SH3D19: variants seen among roughly 807,000 people sequenced by gnomAD.
SH3D19 encodes the protein SH3 domain-containing protein 19.
Under a neutral mutation model 112.1 loss-of-function variants are expected in SH3D19, and 58 were observed. That is an observed-to-expected ratio of 0.52 (90% CI 0.42 to 0.64). SH3D19 has a LOEUF of 0.64. Ranked by LOEUF, SH3D19 falls within the 30% of genes least tolerant of loss-of-function variation. The pLI is 0.00. For missense variants in SH3D19, 1,090 were observed against 1,263.4 expected, an observed-to-expected ratio of 0.86 and a Z score of 2.08; for synonymous variants, 391 against 448.5, an observed-to-expected ratio of 0.87 and a Z score of 1.62.
In SH3D19 at chr4:151,300,110, A is replaced by T. The variant is rs1728232456; in HGVS notation, c.112+25131T>A. Among the ~76,000 whole-genome samples, 3 of 152,034 alleles carry T rather than the reference A, an allele frequency of 2.0e-5. No homozygotes were observed. The South Asian group carries it at 6.2e-4, about 32-fold the overall frequency. ...CAGCTACTCGGGAGGCTGAGGCAGG[A>T]GAATTGCTTGAACCCAGGAGGCGGA... On this transcript the variant is annotated intron_variant, in intron 1 of 19. Coordinates refer to ENST00000604030, the MANE Select transcript of SH3D19 (RefSeq NM_001378122.1).
intron 8 of SH3D19, among the ~76,000 whole-genome samples, chr4:151,163,461 C>T (rs1318121911): frequency 3.3e-5 from 5 of 152,120 alleles, no homozygotes; most frequent in Non-Finnish European, 7.4e-5. Flanking sequence ...TTGTTAAAAT[C>T]CAGAATACAT....
intron 1 of SH3D19, among the ~76,000 whole-genome samples, chr4:151,312,781 G>T (rs1327012215): frequency 2.6e-5 from 4 of 151,828 alleles, no homozygotes; most frequent in South Asian, 2.1e-4. Flanking sequence ...GGCACCTGTA[G>T]TCCCAGCTAC....
At position 151,133,251 on chromosome 4, in the gene SH3D19, C is replaced by T; in HGVS notation, c.2487-15G>A. On this transcript the variant is annotated splice_polypyrimidine_tract_variant and intron_variant, in intron 15 of 19. Transcript: ENST00000604030. ...ATCTTGAGCCTCTGAATGAAGAACA[C>T]ATTTTGTGGATTAGACTAGAGAGTG... is the stretch of plus-strand genomic sequence containing the variant. 1 of 1,611,774 alleles carries T rather than the reference C, an allele frequency of 6.2e-7. No homozygotes were observed. Among genetic ancestry groups the T allele is most frequent in the Non-Finnish European group, 8.5e-7 (1 of 1,177,962 alleles).
intron 2 of SH3D19, among the ~76,000 whole-genome samples, chr4:151,198,528 G>C (rs989085091): frequency 2.7e-4 from 40 of 149,294 alleles, no homozygotes; most frequent in African/African-American, 9.1e-4. Context: ...TCTTAGCTTT[G>C]TATCACTTGA....
Position 151,174,739 on chromosome 4 carries a change from C to T in SH3D19, c.1465G>A (p.Asp489Asn), listed in dbSNP as rs1759656406. The T allele has an allele frequency of 6.6e-7, 1 of 1,520,960 alleles. No individual in the cohort carries two copies. Among genetic ancestry groups the T allele is most frequent in the Middle Eastern group, 1.8e-4 (1 of 5,608 alleles). The allele number at this position is 1,520,960 out of a possible 1,614,324, so 94.2% of individuals were successfully genotyped here. Reference protein sequence around the residue: ...PLVDIDLISFDDDVLPTPSGN... With the variant: ...PLVDIDLISFNDDVLPTPSGN... ...GATGGGGTGGGCAAAACATCATCAT[C>T]AAAGCTGATGAGATCGATGTCCACC... Residue 489 changes from aspartate to asparagine, a missense_variant, in exon 7 of 20, where the codon GAT becomes AAT. Coordinates refer to ENST00000604030, the MANE Select transcript of SH3D19 (RefSeq NM_001378122.1).
chr4:151,160,595 T>C (rs1756983739), intron 8 of SH3D19, among the ~76,000 whole-genome samples: 1 of 151,964 alleles, frequency 6.6e-6, no homozygotes, highest in African/African-American at 2.4e-5. Flanking sequence ...GACTGTAACA[T>C]ACTGAAGGAC....
At chr4:151,235,926 T>C (rs1039581224) in intron 1 of SH3D19, among the ~76,000 whole-genome samples, 3 of 152,218 alleles carry the variant, frequency 2.0e-5, no homozygotes, top group Non-Finnish European at 4.4e-5. Context: ...GTCTTAGTCA[T>C]CTCCGTGTCC....
chr4:151,309,654 A>G (rs533139887), intron 1 of SH3D19, among the ~76,000 whole-genome samples: 4 of 152,324 alleles, frequency 2.6e-5, no homozygotes, highest in Non-Finnish European at 4.4e-5. Context: ...CAAAACCACA[A>G]TTAGATACCA....
At chr4:151,219,085 T>C (rs1404482798) in intron 2 of SH3D19, among the ~76,000 whole-genome samples, 1 of 152,214 alleles carries the variant, frequency 6.6e-6, no homozygotes, top group East Asian at 1.9e-4. Flanking sequence ...TACTCTGAAC[T>C]GACAAAGATT....
intron 1 of SH3D19, among the ~76,000 whole-genome samples, chr4:151,321,183 C>G (rs1186615905): frequency 6.6e-6 from 1 of 152,072 alleles, no homozygotes; most frequent in African/African-American, 2.4e-5. Context: ...CCTTCTTCCC[C>G]CACCCAAGCT....
intron 1 of SH3D19, among the ~76,000 whole-genome samples, chr4:151,299,751 A>AG (rs2126321124): frequency 6.6e-6 from 1 of 152,176 alleles, no homozygotes; most frequent in African/African-American, 2.4e-5. Context: ...CAAGAAAAAA[A>AG]ATGCACTTGT....
chr4:151,269,891 C>T (rs546968939), intron 1 of SH3D19, among the ~76,000 whole-genome samples: 1 of 151,936 alleles, frequency 6.6e-6, no homozygotes, highest in Non-Finnish European at 1.5e-5. Context: ...TTAGCCTAGG[C>T]CTACACAGGG....
intron 1 of SH3D19, among the ~76,000 whole-genome samples, chr4:151,281,299 A>G (rs1254174941): frequency 1.3e-5 from 2 of 152,244 alleles, no homozygotes; most frequent in South Asian, 2.1e-4. Context: ...GAGCCCACTT[A>G]TCAACTCCAG....
At position 151,120,867 on chromosome 4, in the gene SH3D19, A is replaced by G. The variant is rs773574562; in HGVS notation, c.*1224T>C. On this transcript the variant is annotated 3_prime_UTR_variant, in exon 20 of 20. Coordinates refer to ENST00000604030, the MANE Select transcript of SH3D19 (RefSeq NM_001378122.1). ...GTTGGGAAAGTGTTTTACATTTCCA[A>G]TGAAATTCTATTCCATTGATCTGTT... is the stretch of plus-strand genomic sequence containing the variant. 1.3e-5 allele frequency: 2 copies of G among 152,680 alleles called. No individual in the cohort carries two copies. The highest frequency in any genetic ancestry group is 6.5e-5 in the Admixed American group (1 of 15,280). The allele number at this position is 152,680 out of a possible 1,614,324, so 9.5% of individuals were successfully genotyped here.
chr4:151,267,746 G>A (rs1266859765), intron 1 of SH3D19, among the ~76,000 whole-genome samples: 2 of 152,162 alleles, frequency 1.3e-5, no homozygotes, highest in South Asian at 2.1e-4. Flanking sequence ...TTTTGTTAGT[G>A]ACCAAAAGAA....
chr4:151,278,690 G>T (rs943623475), intron 1 of SH3D19, among the ~76,000 whole-genome samples: 25 of 151,920 alleles, frequency 1.6e-4, no homozygotes, highest in African/African-American at 6.0e-4. Context: ...GAGTGCAGTG[G>T]CATGATCTAA....
chr4:151,129,244 C>T (rs966678128), intron 17 of SH3D19, among the ~76,000 whole-genome samples: 7 of 152,176 alleles, frequency 4.6e-5, no homozygotes, highest in African/African-American at 1.7e-4. Context: ...ATGTGGTGGG[C>T]TAGTGTAAGA....
chr4:151,150,958 C>CTTT (rs10714871), intron 9 of SH3D19, among the ~76,000 whole-genome samples: 12 of 110,880 alleles, frequency 1.1e-4, no homozygotes, highest in East Asian at 2.5e-4. Flanking sequence ...TCACAAAATT[C>CTTT]TTTTTTTTTT....
At chr4:151,234,735 G>GTTTGTT (rs1561387745) in intron 1 of SH3D19, among the ~76,000 whole-genome samples, 12 of 25,078 alleles carry the variant, frequency 4.8e-4, no homozygotes, top group African/African-American at 1.0e-3. Flanking sequence ...CCAAGTTTGT[G>GTTTGTT]TTTTTTTTTT....
Sources: gnomAD v4.1 joint callset for allele counts (sites outside exome capture counted in the v4.1 genomes callset) on GRCh38, gnomAD v4.1.1 for gene constraint, MANE v1.5 for transcripts, NCBI Gene and HGNC (gene_info 2026-07-23, HGNC 2026-07-21) for gene names.